Variants in ZNF532 observed in about 807,000 individuals in gnomAD.
ZNF532 encodes the protein zinc finger protein 532.
Under a neutral mutation model 89.3 loss-of-function variants are expected in ZNF532, and 22 were observed. The ratio of observed to expected loss-of-function variants is 0.25; its 90% CI spans 0.18 to 0.35. The LOEUF (loss-of-function observed/expected upper bound fraction) is 0.35. Ranked by LOEUF, ZNF532 falls within the 10% of genes least tolerant of loss-of-function variation. The pLI, the probability that ZNF532 is intolerant of heterozygous loss-of-function variation, is 1.00. For synonymous variants in ZNF532, 606 were observed against 649.6 expected, an observed-to-expected ratio of 0.93 and a Z score of 1.02; for missense variants, 1,132 against 1,643.4, an observed-to-expected ratio of 0.69 and a Z score of 5.38.
intron 7 of ZNF532, among the ~76,000 whole-genome samples, chr18:58,959,253 G>GTTTTTTTTTTTT (rs201150500): frequency 1.6e-4 from 19 of 121,674 alleles, no homozygotes; most frequent in East Asian, 6.2e-4. Flanking sequence ...TCAGTTTTTT[G>GTTTTTTTTTTTT]TTTTTTGTTT....
intron 2 of ZNF532, among the ~76,000 whole-genome samples, chr18:58,906,036 C>G (rs749206694): frequency 1.3e-5 from 2 of 152,096 alleles, no homozygotes; most frequent in African/African-American, 2.4e-5. Context: ...CTCATCACAG[C>G]CCGGGGACAT....
At chr18:58,872,815 T>G (rs562482069) in intron 2 of ZNF532, among the ~76,000 whole-genome samples, 1 of 151,526 alleles carries the variant, frequency 6.6e-6, no homozygotes, top group Admixed American at 6.6e-5. Context: ...TCCTCCTGCC[T>G]CAGCCTCCTG....
At chr18:58,979,339 A>G in intron 8 of ZNF532, 172 bp downstream of exon 8, 1 of 397,250 alleles carries the variant, frequency 2.5e-6, no homozygotes, top group South Asian at 8.3e-5. Flanking sequence ...ACACTTAAAT[A>G]TGAAAATAAA....
intron 7 of ZNF532, among the ~76,000 whole-genome samples, chr18:58,965,610 G>T (rs939693136): frequency 4.6e-5 from 7 of 152,316 alleles, no homozygotes; most frequent in African/African-American, 1.7e-4. Flanking sequence ...CTTGGTTAAA[G>T]TTGGTTATGC....
intron 7 of ZNF532, among the ~76,000 whole-genome samples, chr18:58,971,279 G>GA (rs940904233): frequency 9.3e-4 from 141 of 151,704 alleles, no homozygotes; most frequent in Non-Finnish European, 1.7e-3. Context: ...CATGGCATAT[G>GA]AAAAAAAAGC....
rs2068187017 is a variant in ZNF532, at chr18:58,984,275, G to A, written c.3715G>A (p.Gly1239Arg). 6.2e-7 allele frequency: 1 copy of A among 1,611,884 alleles called. No individual in the cohort carries two copies. Among genetic ancestry groups the A allele is most frequent in the Non-Finnish European group, 8.5e-7 (1 of 1,179,866 alleles). ...KEPQPVSKQN[G>R]AGEDNQQENK... ...ACCTCAGCCAGTGTCCAAGCAAAAT[G>A]GGGCTGGGGAAGATAACCAACAGGA... is the stretch of plus-strand genomic sequence containing the variant. The change falls in exon 10 of 10, where the codon GGG (glycine) becomes AGG (arginine). Residue 1239 changes from glycine (G) to arginine (R), a missense_variant. Gly to Arg is a moderately radical substitution (Grantham distance 125). Coordinates refer to ENST00000591808, the MANE Select transcript of ZNF532 (RefSeq NM_001375912.1).
At chr18:58,906,049 T>C (rs887953933) in intron 2 of ZNF532, among the ~76,000 whole-genome samples, 1 of 152,184 alleles carries the variant, frequency 6.6e-6, no homozygotes, top group African/African-American at 2.4e-5. Flanking sequence ...GGGGACATAC[T>C]GTCCGTGTAA....
In ZNF532 at chr18:58,951,647, T is replaced by TTTTTTTTTTTG. The variant is rs1555746488; in HGVS notation, c.2869-1861_2869-1860insGTTTTTTTTTT. ...AATCACCTCAGCCCTCGCCCTGTTG[T>TTTTTTTTTTTG]TTTTTTTTTTTTTTTTTTTTGAGAT... On this transcript the variant is annotated intron_variant, in intron 6 of 9. Coordinates refer to ENST00000591808, the MANE Select transcript of ZNF532 (RefSeq NM_001375912.1). 1.4e-3 allele frequency among the ~76,000 whole-genome samples: 39 copies of TTTTTTTTTTTG among 27,734 alleles called. 1 individual carries two copies. Among genetic ancestry groups the TTTTTTTTTTTG allele is most frequent in the Middle Eastern group, 0.013 (1 of 78 alleles). The allele number at this position is 27,734 out of a possible 152,430, so 18.2% of individuals were successfully genotyped here.
At position 58,947,000 on chromosome 18, in the gene ZNF532, G is replaced by A. The variant is rs1603268887; in HGVS notation, c.2706-1067G>A. ...AGGCATTCCGTTCTTCAACTTTGCC[G>A]TAGGAATGCCAGGTAAAACCTCAAC... On this transcript the variant is annotated intron_variant, in intron 5 of 9. Transcript: ENST00000591808. 8.5e-5 allele frequency among the ~76,000 whole-genome samples: 13 copies of A among 152,264 alleles called. No individual in the cohort carries two copies. The South Asian group carries it at 1.2e-3, about 15-fold the overall frequency.
At chr18:58,969,875 T>C (rs2066293229) in intron 7 of ZNF532, among the ~76,000 whole-genome samples, 1 of 75,412 alleles carries the variant, frequency 1.3e-5, no homozygotes, top group South Asian at 4.1e-4. Flanking sequence ...ATTTGTCCCT[T>C]TTTTTTTTTT....
intron 2 of ZNF532, among the ~76,000 whole-genome samples, chr18:58,896,781 C>T (rs908834957): frequency 2.0e-5 from 3 of 152,104 alleles, no homozygotes; most frequent in Non-Finnish European, 4.4e-5. Flanking sequence ...AAAGACCAAT[C>T]GATTGGAAGG....
intron 2 of ZNF532, among the ~76,000 whole-genome samples, chr18:58,915,134 T>C (rs2060513343): frequency 6.6e-6 from 1 of 152,054 alleles, no homozygotes; most frequent in African/African-American, 2.4e-5. Context: ...AAAAAAGAAG[T>C]GTGAAGTTAC....
At position 58,942,008 on chromosome 18, in the gene ZNF532, T is replaced by C. The variant is rs202126396; in HGVS notation, c.2705+2387T>C. On this transcript the variant is annotated intron_variant, in intron 5 of 9. Coordinates refer to ENST00000591808, the MANE Select transcript of ZNF532 (RefSeq NM_001375912.1). ...CCTCCTTCCCTTCCTTCCTTCCTTC[T>C]TTCTTTTCTTTTCTTTTTTTCTACC... 2.8e-4 allele frequency among the ~76,000 whole-genome samples: 34 copies of C among 121,852 alleles called. No individual in the cohort carries two copies. The East Asian group carries it at 8.0e-3, about 29-fold the overall frequency. The allele number at this position is 121,852 out of a possible 152,430, so 79.9% of individuals were successfully genotyped here. A position where few individuals can be genotyped will look rare whatever the true frequency, so the allele number is the denominator to read the frequency against.
upstream of ZNF532, chr18:58,863,302 GC>G (rs2056113876): frequency 1.3e-5 from 2 of 151,528 alleles, no homozygotes; most frequent in Non-Finnish European, 3.0e-5. Flanking sequence ...CGAGCCAGCG[GC>G]CCCGTATGGG....
chr18:58,921,457 TGTG>T (rs1206125483), intron 3 of ZNF532, among the ~76,000 whole-genome samples: 1 of 152,248 alleles, frequency 6.6e-6, no homozygotes, highest in Non-Finnish European at 1.5e-5. Flanking sequence ...TACCCATTTC[TGTG>T]GCATGTCTGC....
intron 2 of ZNF532, among the ~76,000 whole-genome samples, chr18:58,875,950 T>TTTTTTTA (rs2057389133): frequency 6.7e-6 from 1 of 149,512 alleles, no homozygotes; most frequent in Non-Finnish European, 1.5e-5. Context: ...TTTTTTTTTT[T>TTTTTTTA]GAGACAGAGT....
chr18:58,952,417 T>G (rs569366173), intron 6 of ZNF532, among the ~76,000 whole-genome samples: 26 of 152,340 alleles, frequency 1.7e-4, no homozygotes, highest in Non-Finnish European at 2.8e-4. Context: ...TTTGTTTTTA[T>G]TTTTTGAGAC....
rs368482208 is a variant in ZNF532 at position 58,919,184 on chromosome 18, G to A, written c.897G>A (p.Pro299=). The A allele has an allele frequency of 5.1e-5, 83 of 1,614,090 alleles. No homozygotes were observed. The highest frequency in any genetic ancestry group is 4.2e-4 in the East Asian group (19 of 44,880). The change falls in exon 3 of 10, where the codon CCG becomes CCA. Residue 299 remains proline (P), a synonymous_variant. Coordinates refer to ENST00000591808, the MANE Select transcript of ZNF532 (RefSeq NM_001375912.1). This position sits in a 1 kb window ranked among gnomAD's most constrained non-coding sequence, Gnocchi z 6.1. ...EPVANSRESS[P]LPKEVNDSPR... ...TGGCCAATTCGAGGGAATCCTCCCC[G>A]TTACCAAAAGAAGTAAATGACAGTC...
chr18:58,964,259 A>AT (rs1555755905), intron 7 of ZNF532: 3 of 152,092 alleles, frequency 2.0e-5, no homozygotes, highest in Non-Finnish European at 4.4e-5. Flanking sequence ...CAGGTAAAAA[A>AT]TTTTTTAAAA....
Sources: gnomAD v4.1 joint callset for allele counts (sites outside exome capture counted in the v4.1 genomes callset) on GRCh38, gnomAD v4.1.1 for gene constraint, Gnocchi (gnomAD v3.1) non-coding constraint, MANE v1.5 for transcripts, NCBI Gene and HGNC (gene_info 2026-07-23, HGNC 2026-07-21) for gene names.